The following ADAMTSL2 variants were observed in gnomAD, a reference collection of about 807,000 sequenced individuals.
ADAMTSL2 encodes ADAMTS like 2.
A neutral mutation model predicts 117.0 loss-of-function variants in ADAMTSL2; 55 were observed. That is an observed-to-expected ratio of 0.47 (90% CI 0.38 to 0.59). The LOEUF is 0.59. Ranked by LOEUF, ADAMTSL2 falls within the 20% of genes least tolerant of loss-of-function variation. The pLI, the probability that ADAMTSL2 is intolerant of heterozygous loss-of-function variation, is 0.00. For missense variants in ADAMTSL2, 1,182 were observed against 1,354.5 expected (o/e 0.87, Z 2.00); for synonymous variants, 572 against 566.4 (o/e 1.01, Z -0.14).
chr9:133,565,457 G>GC (rs1326671778), intron 12 of ADAMTSL2, among the ~76,000 whole-genome samples: 1 of 152,070 alleles, frequency 6.6e-6, no homozygotes, highest in African/African-American at 2.4e-5. Flanking sequence ...CCCCAGCCCC[G>GC]CACCTCCCTG....
At position 133,555,923 on chromosome 9, in the gene ADAMTSL2, A is replaced by G. The variant is rs1479779051; in HGVS notation, c.1642A>G (p.Lys548Glu). ...CACCTCGGCCGGGAACAGGACTCAC[A>G]AGGCCAGGTAGGAGGCACTTTCCTG... is the stretch of plus-strand genomic sequence containing the variant. ...LLTSAGNRTH[K>E]ARTRPKARKQ... The change falls in exon 11 of 19, where the codon AAG becomes GAG. Residue 548 changes from lysine (K) to glutamate (E), a missense_variant. Lys to Glu is a moderately conservative substitution (Grantham distance 56). Transcript: ENST00000651351. 6.2e-7 allele frequency: 1 copy of G among 1,611,136 alleles called. No homozygotes were observed. The highest frequency in any genetic ancestry group is 8.5e-7 in the Non-Finnish European group (1 of 1,179,816).
chr9:133,552,971 C>T (rs1830521083), intron 9 of ADAMTSL2, among the ~76,000 whole-genome samples: 1 of 152,186 alleles, frequency 6.6e-6, no homozygotes, highest in Non-Finnish European at 1.5e-5. Context: ...CCTGCCGTTC[C>T]ATTGGTGTAT....
intron 17 of ADAMTSL2, among the ~76,000 whole-genome samples, chr9:133,573,223 G>A (rs1258092609): frequency 6.6e-6 from 1 of 152,250 alleles, no homozygotes; most frequent in Non-Finnish European, 1.5e-5. Flanking sequence ...GCCACCGCCT[G>A]TGGGATCTTG....
At chr9:133,539,504 G>A (rs974091165) in intron 4 of ADAMTSL2, among the ~76,000 whole-genome samples, 5 of 152,230 alleles carry the variant, frequency 3.3e-5, no homozygotes, top group African/African-American at 9.6e-5. Context: ...GGGAGAAGGC[G>A]TGGTGGGGAC....
At chr9:133,540,314 G>C (rs1186302426) in intron 5 of ADAMTSL2, among the ~76,000 whole-genome samples, 1 of 152,234 alleles carries the variant, frequency 6.6e-6, no homozygotes, top group Non-Finnish European at 1.5e-5. Flanking sequence ...GCACAGGGGT[G>C]TCGAGTTGGC....
chr9:133,551,812 C>CTTTTTTTTTTTTTTTTTTTTTTTTTTTTT (rs56225051), intron 9 of ADAMTSL2, among the ~76,000 whole-genome samples: 3 of 111,064 alleles, frequency 2.7e-5, no homozygotes, highest in African/African-American at 3.8e-5. Flanking sequence ...AAAGCAGCAG[C>CTTTTTTTTTTTTTTTTTTTTTTTTTTTTT]TTTTTTTTTT....
chr9:133,570,543 G>A (rs1024814774), intron 17 of ADAMTSL2, 36 bp downstream of exon 17: 10 of 1,590,240 alleles, frequency 6.3e-6, no homozygotes, highest in Middle Eastern at 1.7e-4. Context: ...GGTTGCCTGA[G>A]GCCAGACCTG....
At chr9:133,537,908 G>A (rs1213765232) in intron 3 of ADAMTSL2, among the ~76,000 whole-genome samples, 1 of 152,208 alleles carries the variant, frequency 6.6e-6, no homozygotes, top group Non-Finnish European at 1.5e-5. Flanking sequence ...AGGACTGGCA[G>A]GAAAGCCTCC....
chr9:133,545,219 G>C (rs1360906091), intron 8 of ADAMTSL2, among the ~76,000 whole-genome samples: 1 of 152,194 alleles, frequency 6.6e-6, no homozygotes, highest in Non-Finnish European at 1.5e-5. Context: ...ACAGTGGGCA[G>C]GTGCTGACAC....
intron 1 of ADAMTSL2, among the ~76,000 whole-genome samples, chr9:133,535,775 C>T (rs1830036236): frequency 6.6e-6 from 1 of 152,134 alleles, no homozygotes; most frequent in African/African-American, 2.4e-5. Flanking sequence ...TGACCCTCAG[C>T]ACCTGAGCAA....
intron 5 of ADAMTSL2, 112 bp downstream of exon 5, chr9:133,539,985 G>T (rs1830172397): frequency 2.0e-6 from 2 of 1,023,948 alleles, no homozygotes; most frequent in Non-Finnish European, 2.9e-6. Context: ...AAATGGAGGT[G>T]GTCAGACGAA....
intron 12 of ADAMTSL2, among the ~76,000 whole-genome samples, chr9:133,564,649 GGAGAGAGGGAGA>G (rs1564179100): frequency 1.6e-3 from 45 of 27,838 alleles, no homozygotes; most frequent in Non-Finnish European, 2.8e-3. Context: ...AGGGAGAGAG[GGAGAGAGGGAGA>G]GAGAGAGGGA....
In ADAMTSL2 at chr9:133,558,299, C is replaced by CGG. The variant is rs1385056383; in HGVS notation, c.1649+2370_1649+2371dup. Among the ~76,000 whole-genome samples, 2 of 152,146 alleles carry CGG rather than the reference C, an allele frequency of 1.3e-5. No homozygotes were observed. The highest frequency in any genetic ancestry group is 2.9e-5 in the Non-Finnish European group (2 of 68,038). Reference sequence around the variant, plus strand: ...TGGAGAGATAAAGGGCAGAGGGAGGCGGCGGGGGAAACCACCAGGCCAAAA... The same window carrying CGG: ...TGGAGAGATAAAGGGCAGAGGGAGGCGGGGCGGGGGAAACCACCAGGCCAAAA... On this transcript the variant is annotated intron_variant, in intron 11 of 18. Coordinates refer to ENST00000651351, the MANE Select transcript of ADAMTSL2 (RefSeq NM_014694.4). This position sits in a 1 kb window ranked among gnomAD's most constrained non-coding sequence, Gnocchi z 4.3.
At chr9:133,572,765 CCTT>C (rs1349225987) in intron 17 of ADAMTSL2, among the ~76,000 whole-genome samples, 3 of 152,162 alleles carry the variant, frequency 2.0e-5, no homozygotes, top group Non-Finnish European at 4.4e-5. Context: ...CGCGTGGACT[CCTT>C]CTTCCTGGTG....
chr9:133,548,763 C>T (rs1830414730), intron 9 of ADAMTSL2, among the ~76,000 whole-genome samples: 1 of 152,170 alleles, frequency 6.6e-6, no homozygotes, highest in Non-Finnish European at 1.5e-5. Context: ...GGGTGGGGCA[C>T]AGCTGTGAAC....
Position 133,539,650 on chromosome 9 carries a change from C to G in ADAMTSL2, c.310-121C>G, listed in dbSNP as rs544810104. On this transcript the variant is annotated intron_variant, in intron 4 of 18. Coordinates refer to ENST00000651351, the MANE Select transcript of ADAMTSL2 (RefSeq NM_014694.4). Reference sequence around the variant, plus strand: ...AGGCCACCCCGTGGGCCGTGGCCCCCGCACGGCTGTCCCGGCTGTCCCGGC... The same window carrying G: ...AGGCCACCCCGTGGGCCGTGGCCCCGGCACGGCTGTCCCGGCTGTCCCGGC... The G allele has an allele frequency of 2.3e-4, 18 of 77,404 alleles. No individual in the cohort carries two copies. In the East Asian group the frequency reaches 3.0e-3, roughly 13 times the overall value. The allele number at this position is 77,404 out of a possible 1,614,324, so 4.8% of individuals were successfully genotyped here. A position where few individuals can be genotyped will look rare whatever the true frequency, so the allele number is the denominator to read the frequency against.
chr9:133,574,326 G>C (rs1219399024), intron 18 of ADAMTSL2, among the ~76,000 whole-genome samples: 10 of 152,346 alleles, frequency 6.6e-5, no homozygotes, highest in African/African-American at 2.4e-4. Flanking sequence ...GGAGCGGCCA[G>C]GGGCTGGCAC....
chr9:133,570,539 C>T, intron 17 of ADAMTSL2, 32 bp downstream of exon 17: 3 of 1,596,392 alleles, frequency 1.9e-6, no homozygotes, highest in Non-Finnish European at 2.6e-6. Context: ...CTGAGGTTGC[C>T]TGAGGCCAGA....
chr9:133,550,418 A>G (rs557533738), intron 9 of ADAMTSL2, among the ~76,000 whole-genome samples: 2 of 152,164 alleles, frequency 1.3e-5, no homozygotes, highest in East Asian at 1.9e-4. Flanking sequence ...TCATGCGCCC[A>G]TTGTGGCACG....
Sources: gnomAD v4.1 joint callset for allele counts (sites outside exome capture counted in the v4.1 genomes callset) on GRCh38, gnomAD v4.1.1 for gene constraint, Gnocchi (gnomAD v3.1) non-coding constraint, MANE v1.5 for transcripts, NCBI Gene and HGNC (gene_info 2026-07-23, HGNC 2026-07-21) for gene names.